RFX3: variants seen among roughly 807,000 people sequenced by gnomAD.
RFX3 encodes the protein regulatory factor X3, also known as transcription factor RFX3.
A neutral mutation model predicts 98.6 loss-of-function variants in RFX3; 14 were observed. The observed-to-expected ratio is 0.14, with a 90% CI of 0.09 to 0.22. The LOEUF (loss-of-function observed/expected upper bound fraction) is 0.22, where lower values mean the gene tolerates loss of function less well. Ranked by LOEUF, RFX3 falls within the 10% of genes least tolerant of loss-of-function variation. RFX3 has a pLI of 1.00. For missense variants in RFX3, 639 were observed against 926.9 expected (o/e 0.69, Z 4.03); for synonymous variants, 383 against 328.4 (o/e 1.17, Z -1.80).
intron 1 of RFX3, among the ~76,000 whole-genome samples, chr9:3,445,396 A>T (rs955926691): frequency 6.6e-6 from 1 of 151,858 alleles, no homozygotes; most frequent in African/African-American, 2.4e-5. Flanking sequence ...ACATCAACTT[A>T]TCAATACTTC....
chr9:3,461,118 A>C (rs1234865830), intron 1 of RFX3, among the ~76,000 whole-genome samples: 1 of 150,962 alleles, frequency 6.6e-6, no homozygotes, highest in Non-Finnish European at 1.5e-5. Context: ...ATATTTATCT[A>C]AACTAGATAG....
intron 3 of RFX3, among the ~76,000 whole-genome samples, chr9:3,346,037 G>A (rs780491520): frequency 5.9e-5 from 9 of 152,094 alleles, no homozygotes; most frequent in Non-Finnish European, 1.3e-4. Context: ...AACAATCCTT[G>A]CGACTTACAA....
At chr9:3,496,506 T>G (rs1051132613) in intron 1 of RFX3, among the ~76,000 whole-genome samples, 10 of 151,916 alleles carry the variant, frequency 6.6e-5, no homozygotes, top group African/African-American at 2.4e-4. Flanking sequence ...CCTGCAAAAC[T>G]CTCCTCATAT....
At chr9:3,338,864 C>T (rs1833520913) in intron 3 of RFX3, among the ~76,000 whole-genome samples, 1 of 152,248 alleles carries the variant, frequency 6.6e-6, no homozygotes, top group South Asian at 2.1e-4. Context: ...CCAAGACAGG[C>T]AGATCACAAG....
chr9:3,244,796 G>A (rs896260302), intron 15 of RFX3, among the ~76,000 whole-genome samples: 4 of 152,178 alleles, frequency 2.6e-5, no homozygotes, highest in African/African-American at 9.7e-5. Context: ...AACAAAGTTT[G>A]TAGCTATAGT....
chr9:3,407,338 T>C (rs552015937), intron 1 of RFX3, among the ~76,000 whole-genome samples: 1 of 152,302 alleles, frequency 6.6e-6, no homozygotes, highest in East Asian at 1.9e-4. Context: ...TTATTTCATC[T>C]GTACAGAAAT....
chr9:3,499,734 T>G (rs1815770111), intron 1 of RFX3, among the ~76,000 whole-genome samples: 1 of 152,068 alleles, frequency 6.6e-6, no homozygotes, highest in South Asian at 2.1e-4. Flanking sequence ...AAGATAAAGG[T>G]GTTCTATCAT....
intron 1 of RFX3, among the ~76,000 whole-genome samples, chr9:3,467,271 C>T (rs917186427): frequency 7.0e-6 from 1 of 143,546 alleles, no homozygotes; most frequent in Admixed American, 7.0e-5. Flanking sequence ...TATGTACATA[C>T]ATACATATAT....
At position 3,399,273 on chromosome 9, in the gene RFX3, TA is replaced by T. The variant is rs35058002; in HGVS notation, c.-8-3678del. ...AATACGGTGAAACCCTGTCTCTGCT[TA>T]AAAAAAAAAAAAAAAAAAAATCAGC... On this transcript the variant is annotated intron_variant, in intron 1 of 16. Transcript: ENST00000617270. Among the ~76,000 whole-genome samples the T allele has an allele frequency of 9.4e-3, 1,108 of 118,276 alleles. 7 individuals carry two copies. The highest frequency in any genetic ancestry group is 0.024 in the African/African-American group (746 of 31,420). The allele number at this position is 118,276 out of a possible 152,430, so 77.6% of individuals were successfully genotyped here.
chr9:3,393,322 A>G (rs902160916), intron 2 of RFX3, among the ~76,000 whole-genome samples: 2 of 152,246 alleles, frequency 1.3e-5, no homozygotes, highest in South Asian at 4.1e-4. Flanking sequence ...TTGAGTCTTT[A>G]TACTATTATA....
intron 2 of RFX3, among the ~76,000 whole-genome samples, chr9:3,359,709 G>A (rs1338676097): frequency 6.6e-6 from 1 of 152,078 alleles, no homozygotes. Context: ...AAAATTGGTA[G>A]AATCTTCTAA....
chr9:3,490,293 A>AT (rs75418566), intron 1 of RFX3: 84,314 of 980,462 alleles, frequency 0.086, 7,716 homozygotes, highest in East Asian at 0.58. Flanking sequence ...TATTCCTTCC[A>AT]GAGCCAAACT....
chr9:3,441,210 C>T (rs190361794), intron 1 of RFX3, among the ~76,000 whole-genome samples: 15 of 152,040 alleles, frequency 9.9e-5, no homozygotes, highest in African/African-American at 3.4e-4. Flanking sequence ...GATAATAAAC[C>T]GCACTAAAAT....
intron 4 of RFX3, among the ~76,000 whole-genome samples, chr9:3,313,962 A>T (rs9722669): frequency 0.026 from 4,024 of 152,340 alleles, 92 homozygotes; most frequent in Middle Eastern, 0.095. Context: ...GATATTATCC[A>T]GGAGAACTTC....
intron 1 of RFX3, among the ~76,000 whole-genome samples, chr9:3,508,871 T>G (rs1395713886): frequency 6.6e-6 from 1 of 151,940 alleles, no homozygotes; most frequent in African/African-American, 2.4e-5. Context: ...TTAACAGGGT[T>G]AGGGCTCAAA....
chr9:3,494,906 T>G (rs993060644), intron 1 of RFX3, among the ~76,000 whole-genome samples: 2 of 152,128 alleles, frequency 1.3e-5, no homozygotes, highest in East Asian at 3.9e-4. Context: ...GAGAAGCATT[T>G]ATATATAGTG....
At chr9:3,370,186 T>TAA (rs34364552) in intron 2 of RFX3, among the ~76,000 whole-genome samples, 5 of 135,536 alleles carry the variant, frequency 3.7e-5, no homozygotes, top group Admixed American at 7.4e-5. Context: ...TTCAAATTAT[T>TAA]AAAAAAAAAA....
intron 1 of RFX3, among the ~76,000 whole-genome samples, chr9:3,448,127 T>A (rs1846212863): frequency 2.0e-5 from 3 of 152,108 alleles, no homozygotes; most frequent in Admixed American, 6.6e-5. Flanking sequence ...ATTAATTTGC[T>A]CTTGAGATTT....
chr9:3,463,627 T>C (rs1178128782), intron 1 of RFX3, among the ~76,000 whole-genome samples: 1 of 152,080 alleles, frequency 6.6e-6, no homozygotes, highest in Non-Finnish European at 1.5e-5. Flanking sequence ...ATCCAGAATA[T>C]GTAAATATAT....
Sources: gnomAD v4.1 joint callset for allele counts (sites outside exome capture counted in the v4.1 genomes callset) on GRCh38, gnomAD v4.1.1 for gene constraint, MANE v1.5 for transcripts, NCBI Gene and HGNC (gene_info 2026-07-23, HGNC 2026-07-21) for gene names.